Variants in LYPLA1 observed in about 807,000 individuals in gnomAD.
The protein encoded by LYPLA1 is lysophospholipase 1, also known as acyl-protein thioesterase 1.
Under a neutral mutation model 34.0 loss-of-function variants are expected in LYPLA1, and 17 were observed. The ratio of observed to expected loss-of-function variants is 0.50; its 90% CI spans 0.34 to 0.75. The LOEUF is 0.75. Ranked by LOEUF, LYPLA1 falls within the 30% of genes least tolerant of loss-of-function variation. The pLI is 0.01. For missense variants in LYPLA1, 203 were observed against 288.8 expected (o/e 0.70, Z 2.15); for synonymous variants, 98 against 100.8 (o/e 0.97, Z 0.17).
At chr8:54,050,404 C>T (rs1274610258) in intron 8 of LYPLA1, among the ~76,000 whole-genome samples, 1 of 152,210 alleles carries the variant, frequency 6.6e-6, no homozygotes, top group African/African-American at 2.4e-5. Context: ...CAACCAAAAA[C>T]ACTGACAGCT....
At chr8:54,049,078 C>T (rs1183082122) in intron 8 of LYPLA1, among the ~76,000 whole-genome samples, 5 of 152,228 alleles carry the variant, frequency 3.3e-5, no homozygotes, top group Non-Finnish European at 7.3e-5. Flanking sequence ...GGATTCAACA[C>T]TGTAATACTC....
At chr8:54,049,419 T>A (rs1408401960) in intron 8 of LYPLA1, among the ~76,000 whole-genome samples, 5 of 152,132 alleles carry the variant, frequency 3.3e-5, no homozygotes, top group Non-Finnish European at 7.3e-5. Flanking sequence ...TCTTTCTTTT[T>A]TTTAGGGTCT....
At chr8:54,060,735 C>T (rs1186972605) in intron 5 of LYPLA1, among the ~76,000 whole-genome samples, 2 of 149,204 alleles carry the variant, frequency 1.3e-5, no homozygotes, top group East Asian at 2.0e-4. Flanking sequence ...CTCTGTCACC[C>T]AGGCTGGAGT....
At chr8:54,081,594 C>T (rs932463892) in intron 2 of LYPLA1, among the ~76,000 whole-genome samples, 51 of 151,742 alleles carry the variant, frequency 3.4e-4, no homozygotes, top group East Asian at 1.9e-4. Context: ...ATTACAAGCG[C>T]GCCACCATGA....
chr8:54,096,246 T>A (rs1472038079), intron 2 of LYPLA1, among the ~76,000 whole-genome samples: 2 of 152,230 alleles, frequency 1.3e-5, no homozygotes, highest in African/African-American at 2.4e-5. Flanking sequence ...TTTCAAGTTA[T>A]TTAAAATGAA....
intron 3 of LYPLA1, among the ~76,000 whole-genome samples, chr8:54,064,555 T>C (rs1806904868): frequency 6.6e-6 from 1 of 152,112 alleles, no homozygotes; most frequent in South Asian, 2.1e-4. Flanking sequence ...GAGGAAGAAA[T>C]GTTTTCTTAT....
chr8:54,051,812 T>G (rs1008134288), intron 7 of LYPLA1, among the ~76,000 whole-genome samples: 1 of 151,736 alleles, frequency 6.6e-6, no homozygotes, highest in Non-Finnish European at 1.5e-5. Context: ...TGGTTGGTTG[T>G]TTTAGTATTT....
chr8:54,064,406 G>T (rs1806892277), intron 3 of LYPLA1, among the ~76,000 whole-genome samples: 1 of 152,066 alleles, frequency 6.6e-6, no homozygotes, highest in East Asian at 1.9e-4. Flanking sequence ...AACAGAGAGA[G>T]ACTCCATCTC....
intron 5 of LYPLA1, among the ~76,000 whole-genome samples, chr8:54,062,027 T>C (rs76422976): frequency 0.025 from 3,772 of 152,210 alleles, 101 homozygotes; most frequent in East Asian, 0.076. Flanking sequence ...AGCTAATTTT[T>C]TGTATTTTCA....
chr8:54,096,422 G>A (rs1183994945), intron 2 of LYPLA1, among the ~76,000 whole-genome samples: 2 of 152,038 alleles, frequency 1.3e-5, no homozygotes, highest in Non-Finnish European at 2.9e-5. Flanking sequence ...GGCCAACATG[G>A]CAAAACCCCG....
chr8:54,075,828 T>C (rs1405670341), intron 2 of LYPLA1, among the ~76,000 whole-genome samples: 1 of 152,184 alleles, frequency 6.6e-6, no homozygotes, highest in Non-Finnish European at 1.5e-5. Flanking sequence ...TAAGAAGGAC[T>C]GGACCTGGCC....
chr8:54,076,058 T>G (rs756943377), intron 2 of LYPLA1, among the ~76,000 whole-genome samples: 2 of 152,186 alleles, frequency 1.3e-5, no homozygotes, highest in Non-Finnish European at 2.9e-5. Flanking sequence ...GAGCTCCTAT[T>G]ATCTGGAACC....
chr8:54,087,861 A>T (rs547786283), intron 2 of LYPLA1, among the ~76,000 whole-genome samples: 1 of 152,380 alleles, frequency 6.6e-6, no homozygotes, highest in South Asian at 2.1e-4. Flanking sequence ...TACACTTGCC[A>T]GTAGCTGTGT....
intron 2 of LYPLA1, among the ~76,000 whole-genome samples, chr8:54,077,260 A>G (rs1297302756): frequency 6.6e-6 from 1 of 152,136 alleles, no homozygotes; most frequent in African/African-American, 2.4e-5. Flanking sequence ...CAAATACCAC[A>G]TGTTCTCACT....
intron 2 of LYPLA1, among the ~76,000 whole-genome samples, chr8:54,087,650 A>G (rs1808906538): frequency 6.6e-6 from 1 of 152,256 alleles, no homozygotes; most frequent in Admixed American, 6.5e-5. Context: ...GACAATATAA[A>G]CAATTCTTAT....
At chr8:54,081,595 G>A (rs554449269) in intron 2 of LYPLA1, among the ~76,000 whole-genome samples, 3 of 152,084 alleles carry the variant, frequency 2.0e-5, no homozygotes, top group Admixed American at 6.5e-5. Flanking sequence ...TTACAAGCGC[G>A]CCACCATGAC....
intron 6 of LYPLA1, chr8:54,053,284 G>C (rs1363217436): frequency 1.4e-5 from 3 of 216,408 alleles, no homozygotes; most frequent in African/African-American, 2.3e-5. Flanking sequence ...GGTAGAGACG[G>C]GGTTTCTCCA....
intron 2 of LYPLA1, among the ~76,000 whole-genome samples, chr8:54,093,080 C>T (rs1191979674): frequency 6.6e-6 from 1 of 152,168 alleles, no homozygotes; most frequent in Non-Finnish European, 1.5e-5. Flanking sequence ...CTTGACTGAA[C>T]ACCAGAAGTA....
intron 2 of LYPLA1, among the ~76,000 whole-genome samples, chr8:54,085,808 G>T (rs1455537824): frequency 1.4e-4 from 8 of 59,112 alleles, no homozygotes; most frequent in African/African-American, 2.7e-4. Flanking sequence ...TCCGCGAGGT[G>T]GGGGGGGGGC....
Sources: allele counts gnomAD v4.1 joint callset (sites outside exome capture counted in the v4.1 genomes callset), GRCh38; gene constraint gnomAD v4.1.1; transcripts MANE v1.5; gene names NCBI Gene and HGNC (gene_info 2026-07-23, HGNC 2026-07-21).